The following LIG3 variants were observed in gnomAD, a reference collection of about 807,000 sequenced individuals.
The protein encoded by LIG3 is ligase II, DNA, ATP-dependent.
LIG3 carries 58 observed loss-of-function variants against 110.9 expected under a neutral mutation model. The observed-to-expected ratio is 0.52, with a 90% CI of 0.42 to 0.65. The LOEUF is 0.65. Ranked by LOEUF, LIG3 falls within the 30% of genes least tolerant of loss-of-function variation. LIG3 has a pLI of 0.00. For missense variants in LIG3, 1,094 were observed against 1,273.8 expected (o/e 0.86, Z 2.15); for synonymous variants, 422 against 472.8 (o/e 0.89, Z 1.39).
chr17:34,989,803 T>C, intron 4 of LIG3, 140 bp downstream of exon 4: 1 of 763,872 alleles, frequency 1.3e-6, no homozygotes, highest in African/African-American at 1.7e-5. Context: ...CTGGAAATTC[T>C]TAATAATTTT....
chr17:34,999,700 T>G (rs948964717), intron 15 of LIG3, 82 bp from the exon 16 acceptor site: 2 of 1,340,362 alleles, frequency 1.5e-6, no homozygotes, highest in Non-Finnish European at 2.1e-6. Flanking sequence ...AAGTGGCTTC[T>G]TATAATCTCA....
At chr17:35,009,794 G>A (rs770174381), downstream of LIG3, 1 of 152,626 alleles carries the variant, frequency 6.6e-6, no homozygotes, top group Non-Finnish European at 1.5e-5. Context: ...AGAGAAAGCA[G>A]GTTGTAAGTA....
chr17:34,992,683 GC>G lies in LIG3; in HGVS notation c.1449del (p.Met484CysfsTer13). 6.3e-7 allele frequency: 1 copy of G among 1,591,600 alleles called. No homozygotes were observed. Among genetic ancestry groups the G allele is most frequent in the Non-Finnish European group, 8.5e-7 (1 of 1,170,284 alleles). ...VQASLMTPVQPMLAEACKSVE... is the reference protein window; with the variant it reads ...VQASLMTPVQXMLAEACKSVE... ...AGGCCTCGCTGATGACACCTGTGCA[GC>G]CCATGTTGGTGAGGAGTGCTCCCCT... On this transcript the variant is annotated frameshift_variant, in exon 8 of 20. Transcript: ENST00000378526. LOFTEE classifies it high-confidence loss of function.
At chr17:34,993,124 T>G (rs3135989) in intron 8 of LIG3, among the ~76,000 whole-genome samples, 9,076 of 152,126 alleles carry the variant, frequency 0.06, 408 homozygotes, top group Admixed American at 0.15. Flanking sequence ...AGGCTTCCTG[T>G]GACAGGGTGA....
Position 35,002,007 on chromosome 17 carries a change from T to C in LIG3, c.2577T>C (p.Gly859=). 6.2e-7 allele frequency: 1 copy of C among 1,612,218 alleles called. No homozygotes were observed. The highest frequency in any genetic ancestry group is 8.5e-7 in the Non-Finnish European group (1 of 1,179,268). The change falls in exon 18 of 20, where the codon GGT becomes GGC. Residue 859 remains glycine (G), a synonymous_variant. Coordinates refer to ENST00000378526, the MANE Select transcript of LIG3 (RefSeq NM_013975.4). Reference sequence around the variant, plus strand: ...GGGGTAGCAGTGAAGAGAATAAGGGTCCCTCAGGGTCTGCTGTGTCCCGCA... The same window carrying C: ...GGGGTAGCAGTGAAGAGAATAAGGGCCCCTCAGGGTCTGCTGTGTCCCGCA... ...TTGGSSEENK[G]PSGSAVSRKA... is the part of the protein sequence containing the mutation.
intron 3 of LIG3, 115 bp from the exon 4 acceptor site, chr17:34,989,351 A>G: frequency 1.1e-6 from 1 of 921,442 alleles, no homozygotes; most frequent in Non-Finnish European, 1.7e-6. Context: ...CCAAAAGTCT[A>G]TTCGGGGAGA....
intron 1 of LIG3, among the ~76,000 whole-genome samples, chr17:34,982,152 G>A (rs2090602436): frequency 6.6e-6 from 1 of 152,142 alleles, no homozygotes; most frequent in Admixed American, 6.5e-5. Context: ...ACCCATCAAG[G>A]TTATACAGCT....
chr17:35,005,723 G>A lies in LIG3; in HGVS notation c.*1217G>A, dbSNP rs112548954. The A allele has an allele frequency of 4.8e-5, 27 of 562,642 alleles. No homozygotes were observed. Among genetic ancestry groups the A allele is most frequent in the Admixed American group, 7.7e-5 (4 of 52,230 alleles). 34.9% of individuals were successfully genotyped at this position (562,642 alleles called of 1,614,324 possible). On this transcript the variant is annotated 3_prime_UTR_variant, in exon 20 of 20. Transcript: ENST00000378526. The stretch of plus-strand genomic sequence containing the variant: ...GAGTATTCATGTGAATGAAACTGCC[G>A]GGCTATCTGATGGGTTAGAGCGCCT...
rs555462146 is a variant in LIG3 at position 34,988,190 on chromosome 17, CAAAAAAAAA to C, written c.692-1258_692-1250del. Among the ~76,000 whole-genome samples, 14 of 45,700 alleles carry C rather than the reference CAAAAAAAAA, an allele frequency of 3.1e-4. 1 individual carries two copies. Among genetic ancestry groups the C allele is most frequent in the Non-Finnish European group, 4.5e-4 (11 of 24,310 alleles). 30.0% of individuals were successfully genotyped at this position (45,700 alleles called of 152,430 possible). A position where few individuals can be genotyped will look rare whatever the true frequency, so the allele number is the denominator to read the frequency against. Reference sequence around the variant, plus strand: ...CCTGGGCGACAGCGAGACTCTGTCTCAAAAAAAAAAAAAAAAAAAAAAAAAATTCTGAGG... The same window carrying C: ...CCTGGGCGACAGCGAGACTCTGTCTCAAAAAAAAAAAAAAAAATTCTGAGG... On this transcript the variant is annotated intron_variant, in intron 3 of 19. Coordinates refer to ENST00000378526, the MANE Select transcript of LIG3 (RefSeq NM_013975.4).
chr17:35,005,517 C>G lies in LIG3; in HGVS notation c.*1011C>G, dbSNP rs922880693. The G allele has an allele frequency of 1.9e-5, 11 of 572,104 alleles. No homozygotes were observed. Among genetic ancestry groups the G allele is most frequent in the African/African-American group, 1.7e-4 (9 of 53,648 alleles). The allele number at this position is 572,104 out of a possible 1,614,324, so 35.4% of individuals were successfully genotyped here. On this transcript the variant is annotated 3_prime_UTR_variant, in exon 20 of 20. Transcript: ENST00000378526. ...ATCAGAGGCCAGTAGCTTTCTTGGCCTACAAAGTAAATGGACAGTATATTA... is the reference window on the plus strand; with the variant it reads ...ATCAGAGGCCAGTAGCTTTCTTGGCGTACAAAGTAAATGGACAGTATATTA...
chr17:34,999,367 C>A lies in LIG3; in HGVS notation c.2174C>A (p.Thr725Lys). The change falls in exon 15 of 20, where the codon ACA (threonine) becomes AAA (lysine). Residue 725 changes from threonine to lysine, a missense_variant. Physicochemically the swap from Thr to Lys is moderately conservative, Grantham distance 78. Coordinates refer to ENST00000378526, the MANE Select transcript of LIG3 (RefSeq NM_013975.4). ...GACCCTGGCAGCCAGAAGTGGTGCA[C>A]AGTCACCAAGTGTGCAGGAGGCCAT... ...CYDPGSQKWC[T>K]VTKCAGGHDD... 1 of 1,614,090 alleles carries A rather than the reference C, an allele frequency of 6.2e-7. No homozygotes were observed. The highest frequency in any genetic ancestry group is 8.5e-7 in the Non-Finnish European group (1 of 1,179,966).
chr17:34,981,882 A>T (rs140520392), intron 1 of LIG3, among the ~76,000 whole-genome samples: 150 of 152,370 alleles, frequency 9.8e-4, no homozygotes, highest in Non-Finnish European at 1.9e-3. Flanking sequence ...TTGATTTATG[A>T]GTTCCTGTGA....
intron 2 of LIG3, among the ~76,000 whole-genome samples, chr17:34,984,667 T>C (rs1433985272): frequency 4.7e-5 from 7 of 149,752 alleles, no homozygotes; most frequent in Admixed American, 3.4e-4. Flanking sequence ...TTTTTGAGAG[T>C]CTCACTCTGA....
chr17:34,995,922 C>CTAGCTATA, intron 9 of LIG3, 142 bp from the exon 10 acceptor site: 1 of 1,035,568 alleles, frequency 9.7e-7, no homozygotes, highest in African/African-American at 1.6e-5. Flanking sequence ...CTCGCAAGGC[C>CTAGCTATA]TAGCTATATG....
At chr17:34,997,893 C>T in intron 12 of LIG3, 68 bp downstream of exon 12, 1 of 1,143,464 alleles carries the variant, frequency 8.7e-7, no homozygotes, top group Non-Finnish European at 1.3e-6. Context: ...CTCCTTGGGT[C>T]AACTGCGACT....
At position 34,997,622 on chromosome 17, in the gene LIG3, C is replaced by G. The variant is rs944209238; in HGVS notation, c.1824-116C>G. On this transcript the variant is annotated intron_variant, in intron 11 of 19. Coordinates refer to ENST00000378526, the MANE Select transcript of LIG3 (RefSeq NM_013975.4). ...AACTGTTACACATGAGGTCTTTGAT[C>G]CATGGCAAACCCTTTCTTGAAGTAG... 6.6e-6 allele frequency: 5 copies of G among 755,456 alleles called. No individual in the cohort carries two copies. The African/African-American group carries it at 6.9e-5, about 10-fold the overall frequency. The allele number at this position is 755,456 out of a possible 1,614,324, so 46.8% of individuals were successfully genotyped here. A position where few individuals can be genotyped will look rare whatever the true frequency, so the allele number is the denominator to read the frequency against.
In LIG3 at chr17:35,005,138, G is replaced by T. The variant is rs930069845; in HGVS notation, c.*632G>T. ...GGGGACTAGGGTCAGGTAGGAAAAT[G>T]GGGCCTTTATGAAGAAAGGGGAGGT... On this transcript the variant is annotated 3_prime_UTR_variant, in exon 20 of 20. Coordinates refer to ENST00000378526, the MANE Select transcript of LIG3 (RefSeq NM_013975.4). 11 of 357,966 alleles carry T rather than the reference G, an allele frequency of 3.1e-5. No homozygotes were observed. Among genetic ancestry groups the T allele is most frequent in the Admixed American group, 1.9e-4 (5 of 26,930 alleles). 22.2% of individuals were successfully genotyped at this position (357,966 alleles called of 1,614,324 possible).
In LIG3 at chr17:34,986,319, T is replaced by G. The variant is rs545945430; in HGVS notation, c.691+188T>G. 3.2e-4 allele frequency among the ~76,000 whole-genome samples: 48 copies of G among 152,158 alleles called. No individual in the cohort carries two copies. The South Asian group carries it at 9.5e-3, about 30-fold the overall frequency. ...TTGGTTTTTGTTTGTTTGTTTGTTTTTTGGTTTTGGGGGTTTTTTTGAGAT... is the reference window on the plus strand; with the variant it reads ...TTGGTTTTTGTTTGTTTGTTTGTTTGTTGGTTTTGGGGGTTTTTTTGAGAT... On this transcript the variant is annotated intron_variant, in intron 3 of 19. Coordinates refer to ENST00000378526, the MANE Select transcript of LIG3 (RefSeq NM_013975.4).
At chr17:35,010,070 T>A (rs2090926532), downstream of LIG3, 3 of 152,084 alleles carry the variant, frequency 2.0e-5, no homozygotes, top group South Asian at 6.2e-4. Context: ...TGGCCCAGTG[T>A]TCAGTTGACT....
Sources: gnomAD v4.1 joint callset for allele counts (sites outside exome capture counted in the v4.1 genomes callset) on GRCh38, gnomAD v4.1.1 for gene constraint, MANE v1.5 for transcripts, NCBI Gene and HGNC (gene_info 2026-07-23, HGNC 2026-07-21) for gene names.